The following BMAL1 variants were observed in gnomAD, a reference collection of about 807,000 sequenced individuals.
BMAL1 encodes the protein basic helix-loop-helix ARNT like 1.
chr11:13,357,052 C>T, the BMAL1 span: 25 of 1,614,218 alleles, frequency 1.5e-5, no homozygotes, highest in South Asian at 2.2e-5. The surrounding 1 kb of genome is among the most constrained non-coding windows in gnomAD (Gnocchi z 4.8). Context: ...TTCCTCCCCC[C>T]AGGTTAGAAT....
chr11:13,356,802 C>CTT, the BMAL1 span: 1 of 1,614,036 alleles, frequency 6.2e-7, no homozygotes, highest in Non-Finnish European at 8.5e-7. Flanking sequence ...GTAATTTGAA[C>CTT]TTCAGCATCC....
the BMAL1 span, among the ~76,000 whole-genome samples, chr11:13,334,378 C>T: frequency 2.0e-5 from 3 of 152,214 alleles, no homozygotes; most frequent in African/African-American, 4.8e-5. Flanking sequence ...TTCTGTGAAA[C>T]CTTCAGAGTT....
the BMAL1 span, chr11:13,354,388 C>A: frequency 1.2e-6 from 2 of 1,614,102 alleles, no homozygotes; most frequent in Admixed American, 3.3e-5. Flanking sequence ...CTTTCCAGCT[C>A]TCTTGGTACC....
At chr11:13,364,164 C>T in the BMAL1 span, among the ~76,000 whole-genome samples, 4 of 152,312 alleles carry the variant, frequency 2.6e-5, no homozygotes, top group African/African-American at 4.8e-5. Context: ...TTTTAATACC[C>T]TATTTGTTGA....
the BMAL1 span, among the ~76,000 whole-genome samples, chr11:13,286,177 C>A: frequency 6.6e-6 from 1 of 152,212 alleles, no homozygotes; most frequent in Non-Finnish European, 1.5e-5. Context: ...CAGCAGTCGT[C>A]AAGCCTTCTG....
At chr11:13,357,190 A>G in the BMAL1 span, 1 of 1,553,118 alleles carries the variant, frequency 6.4e-7, no homozygotes, top group Non-Finnish European at 8.7e-7. The surrounding 1 kb of genome is among the most constrained non-coding windows in gnomAD (Gnocchi z 4.8). Context: ...CCTGTCTAAG[A>G]GTTCTGTTGG....
chr11:13,346,402 T>TG, the BMAL1 span, among the ~76,000 whole-genome samples: 1 of 152,180 alleles, frequency 6.6e-6, no homozygotes, highest in Admixed American at 6.5e-5. Context: ...TGGTCTGAAC[T>TG]GGGGGTCTTG....
At chr11:13,306,439 C>G in the BMAL1 span, among the ~76,000 whole-genome samples, 1 of 152,190 alleles carries the variant, frequency 6.6e-6, no homozygotes, top group Admixed American at 6.5e-5. Context: ...GCTAGAGCAG[C>G]TAGCTGGTTC....
At chr11:13,304,492 C>T in the BMAL1 span, among the ~76,000 whole-genome samples, 1 of 152,176 alleles carries the variant, frequency 6.6e-6, no homozygotes, top group Non-Finnish European at 1.5e-5. Flanking sequence ...TTCTCTGGGC[C>T]CTGACCTGTC....
the BMAL1 span, among the ~76,000 whole-genome samples, chr11:13,346,313 C>T: frequency 2.5e-3 from 377 of 152,356 alleles, 2 homozygotes; most frequent in Non-Finnish European, 3.7e-3. Context: ...GAACACTGAT[C>T]CACTCTGCCA....
At chr11:13,336,664 C>G in the BMAL1 span, among the ~76,000 whole-genome samples, 1 of 152,204 alleles carries the variant, frequency 6.6e-6, no homozygotes, top group African/African-American at 2.4e-5. Flanking sequence ...ATATGCTGCC[C>G]AGCACTGACT....
chr11:13,292,394 A>C, the BMAL1 span, among the ~76,000 whole-genome samples: 2 of 151,872 alleles, frequency 1.3e-5, no homozygotes, highest in Non-Finnish European at 2.9e-5. Context: ...ATACAAAAAA[A>C]AAATTACCTG....
At chr11:13,290,759 A>G in the BMAL1 span, among the ~76,000 whole-genome samples, 140,445 of 151,924 alleles carry the variant, frequency 0.92, 65,376 homozygotes, top group East Asian at 1. Flanking sequence ...GCTGATACAT[A>G]CTAAGTGTAA....
At chr11:13,285,903 A>G in the BMAL1 span, among the ~76,000 whole-genome samples, 2 of 152,204 alleles carry the variant, frequency 1.3e-5, no homozygotes, top group Non-Finnish European at 2.9e-5. Context: ...GGGTTTTCTT[A>G]TAAATGCACT....
the BMAL1 span, chr11:13,355,338 C>T: frequency 6.3e-7 from 1 of 1,594,408 alleles, no homozygotes; most frequent in South Asian, 1.1e-5. Flanking sequence ...CACCCAGGGG[C>T]TGGAGAGTGG....
At chr11:13,307,218 G>A in the BMAL1 span, among the ~76,000 whole-genome samples, 3 of 152,228 alleles carry the variant, frequency 2.0e-5, no homozygotes, top group African/African-American at 7.2e-5. Flanking sequence ...TATGTAGTCT[G>A]GCAGTGCAGG....
chr11:13,321,300 C>T, the BMAL1 span, among the ~76,000 whole-genome samples: 1 of 152,134 alleles, frequency 6.6e-6, no homozygotes, highest in Non-Finnish European at 1.5e-5. Flanking sequence ...GAACAAACTA[C>T]CAACCATTTG....
the BMAL1 span, among the ~76,000 whole-genome samples, chr11:13,345,301 AGG>A: frequency 8.8e-4 from 134 of 152,348 alleles, 1 homozygote; most frequent in Middle Eastern, 0.01. Context: ...AGTATTACTT[AGG>A]TCCCATACAG....
chr11:13,386,510 A>T, the BMAL1 span: 26 of 1,329,706 alleles, frequency 2.0e-5, no homozygotes, highest in Non-Finnish European at 2.5e-5. Flanking sequence ...TAACTTTCTT[A>T]TTAAAAATGT....
Sources: gnomAD v4.1 joint callset for allele counts (sites outside exome capture counted in the v4.1 genomes callset) on GRCh38, gnomAD v4.1.1 for gene constraint, Gnocchi (gnomAD v3.1) non-coding constraint, MANE v1.5 for transcripts, NCBI Gene and HGNC (gene_info 2026-07-23, HGNC 2026-07-21) for gene names.